UBE2G1: variants seen among roughly 807,000 people sequenced by gnomAD.
UBE2G1 encodes ubiquitin-conjugating enzyme E2 G1.
UBE2G1 carries 5 observed loss-of-function variants against 22.7 expected under a neutral mutation model. The ratio of observed to expected loss-of-function variants is 0.22; its 90% CI spans 0.12 to 0.46. The LOEUF (loss-of-function observed/expected upper bound fraction) is 0.46. Among genes scored for constraint, UBE2G1 ranks in the 20% least tolerant of loss-of-function variants. The pLI is 0.99. For missense variants in UBE2G1, 88 were observed against 203.9 expected, an observed-to-expected ratio of 0.43 and a Z score of 3.46; for synonymous variants, 74 against 67.5, an observed-to-expected ratio of 1.10 and a Z score of -0.47.
intron 2 of UBE2G1, chr17:4,302,058 G>A (rs1166124947): frequency 2.0e-6 from 1 of 503,076 alleles, no homozygotes; most frequent in South Asian, 1.5e-5. Flanking sequence ...GGGGGGGGAA[G>A]TTTTTACATT....
intron 1 of UBE2G1, among the ~76,000 whole-genome samples, chr17:4,360,326 A>G (rs765630021): frequency 3.9e-5 from 6 of 152,228 alleles, no homozygotes; most frequent in Non-Finnish European, 7.3e-5. Flanking sequence ...GTGCTTAATT[A>G]ATACTTTACT....
intron 1 of UBE2G1, among the ~76,000 whole-genome samples, chr17:4,344,323 G>A (rs1046105921): frequency 6.6e-6 from 1 of 152,006 alleles, no homozygotes; most frequent in Admixed American, 6.6e-5. Context: ...GGCGGATCAC[G>A]AGGTCAGGAC....
chr17:4,294,880 G>A (rs1463496011), intron 3 of UBE2G1, among the ~76,000 whole-genome samples: 1 of 152,118 alleles, frequency 6.6e-6, no homozygotes. Context: ...TGCAGCCTGG[G>A]TGGCAGAGTG....
chr17:4,364,344 G>A (rs1970006095), intron 1 of UBE2G1: 1 of 71,456 alleles, frequency 1.4e-5, no homozygotes, highest in South Asian at 5.8e-4. Flanking sequence ...AGGCTGGAGT[G>A]CAGTGGCGCC....
intron 1 of UBE2G1, among the ~76,000 whole-genome samples, chr17:4,340,895 A>T (rs867996633): frequency 2.8e-4 from 31 of 110,778 alleles, no homozygotes; most frequent in Admixed American, 1.1e-3. Flanking sequence ...TCACGTATTT[A>T]AAAAAAAAAA....
At chr17:4,284,212 A>G (rs546789903) in intron 4 of UBE2G1, among the ~76,000 whole-genome samples, 1 of 151,406 alleles carries the variant, frequency 6.6e-6, no homozygotes, top group African/African-American at 2.4e-5. Context: ...AAGTCTGTAT[A>G]CTCAACATTT....
Position 4,329,828 on chromosome 17 carries a change from T to TA in UBE2G1, c.47-22706_47-22705insT, listed in dbSNP as rs374409913. Reference sequence around the variant, plus strand: ...CCATTAGGCTTTTTTAAAGGTATGCTTTTTTTTTTTAGATTTATAGTAACG... The same window carrying TA: ...CCATTAGGCTTTTTTAAAGGTATGCTATTTTTTTTTTAGATTTATAGTAACG... On this transcript the variant is annotated intron_variant, in intron 1 of 5. Coordinates refer to ENST00000396981, the MANE Select transcript of UBE2G1 (RefSeq NM_003342.5). Among the ~76,000 whole-genome samples, 469 of 26,996 alleles carry TA rather than the reference T, an allele frequency of 0.017. 4 individuals are homozygous for TA. The African/African-American group carries it at 0.3, about 17-fold the overall frequency. The allele number at this position is 26,996 out of a possible 152,430, so 17.7% of individuals were successfully genotyped here.
intron 2 of UBE2G1, chr17:4,301,516 T>C (rs879044692): frequency 2.8e-6 from 3 of 1,073,192 alleles, no homozygotes; most frequent in African/African-American, 3.1e-5. Flanking sequence ...AACAGGCAGG[T>C]GAACACCATG....
chr17:4,299,260 A>G (rs1371437544), intron 2 of UBE2G1, among the ~76,000 whole-genome samples: 1 of 152,198 alleles, frequency 6.6e-6, no homozygotes, highest in African/African-American at 2.4e-5. Flanking sequence ...ACAGCCAAAC[A>G]TGGTGGCGTG....
At chr17:4,336,915 A>G (rs1969654786) in intron 1 of UBE2G1, among the ~76,000 whole-genome samples, 1 of 152,216 alleles carries the variant, frequency 6.6e-6, no homozygotes, top group Non-Finnish European at 1.5e-5. Context: ...TGCAACAGTT[A>G]TAAAAACTGA....
Position 4,364,683 on chromosome 17 carries a change from A to C in UBE2G1, c.46+1588T>G, listed in dbSNP as rs185049597. Reference sequence around the variant, plus strand: ...GCAACGATGCCTCCCGCGTTCAAGCAATTCTCCCGCCTCAGCCTCCTGAGT... The same window carrying C: ...GCAACGATGCCTCCCGCGTTCAAGCCATTCTCCCGCCTCAGCCTCCTGAGT... On this transcript the variant is annotated intron_variant, in intron 1 of 5. Transcript: ENST00000396981. Among the ~76,000 whole-genome samples the C allele has an allele frequency of 4.9e-5, 7 of 144,184 alleles. No individual in the cohort carries two copies. In the East Asian group the frequency reaches 6.3e-4, roughly 13 times the overall value. 94.6% of individuals were successfully genotyped at this position (144,184 alleles called of 152,430 possible). A position where few individuals can be genotyped will look rare whatever the true frequency, so the allele number is the denominator to read the frequency against.
intron 2 of UBE2G1, among the ~76,000 whole-genome samples, chr17:4,300,219 T>C (rs1969159378): frequency 6.6e-6 from 1 of 152,096 alleles, no homozygotes; most frequent in Non-Finnish European, 1.5e-5. Flanking sequence ...CATTAACATG[T>C]CACATATCCA....
At chr17:4,310,679 A>G (rs889943705) in intron 1 of UBE2G1, among the ~76,000 whole-genome samples, 9 of 152,236 alleles carry the variant, frequency 5.9e-5, no homozygotes, top group Non-Finnish European at 1.3e-4. Flanking sequence ...TTTCTTTTAA[A>G]CAATGGAGTG....
chr17:4,348,279 C>T (rs1004968548), intron 1 of UBE2G1, among the ~76,000 whole-genome samples: 7 of 151,866 alleles, frequency 4.6e-5, no homozygotes, highest in Non-Finnish European at 7.4e-5. Flanking sequence ...ATAGGCCGGG[C>T]GCGGTGGCTC....
rs761002226 is a variant in UBE2G1 at position 4,286,212 on chromosome 17, C to T, written c.426+3018G>A. Among the ~76,000 whole-genome samples the T allele has an allele frequency of 3.3e-5, 5 of 152,092 alleles. No individual in the cohort carries two copies. The South Asian group carries it at 6.2e-4, about 19-fold the overall frequency. Reference sequence around the variant, plus strand: ...CTGAGGTCAGGAGTTTGAGACCAGCCTGGCCAACATGGCAAAACCCTGTCT... The same window carrying T: ...CTGAGGTCAGGAGTTTGAGACCAGCTTGGCCAACATGGCAAAACCCTGTCT... On this transcript the variant is annotated intron_variant, in intron 4 of 5. Transcript: ENST00000396981.
chr17:4,350,710 A>G (rs1419822172), intron 1 of UBE2G1, among the ~76,000 whole-genome samples: 1 of 152,032 alleles, frequency 6.6e-6, no homozygotes, highest in Non-Finnish European at 1.5e-5. Context: ...CCATTCCAAC[A>G]GAGAAAATGT....
intron 2 of UBE2G1, chr17:4,302,466 A>G (rs1310050783): frequency 6.1e-6 from 3 of 495,360 alleles, no homozygotes; most frequent in Non-Finnish European, 1.2e-5. Flanking sequence ...TGGGAACTGC[A>G]TATGGCTTCA....
chr17:4,269,792 CA>C lies in UBE2G1; in HGVS notation c.*2761del, dbSNP rs1001838535. The C allele has an allele frequency of 5.2e-4, 97 of 185,568 alleles. No homozygotes were observed. Among genetic ancestry groups the C allele is most frequent in the African/African-American group, 2.3e-3 (95 of 41,674 alleles). The allele number at this position is 185,568 out of a possible 1,614,324, so 11.5% of individuals were successfully genotyped here. On this transcript the variant is annotated 3_prime_UTR_variant, in exon 6 of 6. Coordinates refer to ENST00000396981, the MANE Select transcript of UBE2G1 (RefSeq NM_003342.5). ...GGAAACAGCCAACAGTTCTACAATC[CA>C]TAAGATCTATGGAGATGTTGTTGAT...
At chr17:4,309,899 C>T (rs1417613125) in intron 1 of UBE2G1, among the ~76,000 whole-genome samples, 1 of 152,194 alleles carries the variant, frequency 6.6e-6, no homozygotes, top group Admixed American at 6.5e-5. Context: ...TTGCTTCTTA[C>T]TCTTGTCAAA....
Sources: allele counts gnomAD v4.1 joint callset (sites outside exome capture counted in the v4.1 genomes callset), GRCh38; gene constraint gnomAD v4.1.1; transcripts MANE v1.5; gene names NCBI Gene and HGNC (gene_info 2026-07-23, HGNC 2026-07-21).